The following SPATS2L variants were observed in gnomAD, a reference collection of about 807,000 sequenced individuals.
SPATS2L encodes SPATS2-like protein.
Under a neutral mutation model 59.6 loss-of-function variants are expected in SPATS2L, and 30 were observed. That is an observed-to-expected ratio of 0.50 (90% CI 0.38 to 0.68). The LOEUF (loss-of-function observed/expected upper bound fraction) is 0.68. Among genes scored for constraint, SPATS2L ranks in the 30% least tolerant of loss-of-function variants. The pLI is 0.00. For synonymous variants in SPATS2L, 252 were observed against 263.5 expected, an observed-to-expected ratio of 0.96 and a Z score of 0.42; for missense variants, 615 against 700.0, an observed-to-expected ratio of 0.88 and a Z score of 1.37.
At chr2:200,355,423 C>T (rs756504441) in intron 2 of SPATS2L, among the ~76,000 whole-genome samples, 50 of 152,182 alleles carry the variant, frequency 3.3e-4, no homozygotes, top group Non-Finnish European at 5.4e-4. Flanking sequence ...GTCTGTGAGA[C>T]AGATAAGGAG....
chr2:200,370,954 G>A (rs1340141831), intron 2 of SPATS2L, among the ~76,000 whole-genome samples: 1 of 152,162 alleles, frequency 6.6e-6, no homozygotes, highest in African/African-American at 2.4e-5. Flanking sequence ...ATTAATTTGA[G>A]CCAAATGTAA....
chr2:200,327,170 G>C (rs1444252591), intron 1 of SPATS2L, among the ~76,000 whole-genome samples: 1 of 151,810 alleles, frequency 6.6e-6, no homozygotes, highest in Non-Finnish European at 1.5e-5. Context: ...TTGGGAGGCC[G>C]AGGAGGGCAG....
intron 2 of SPATS2L, among the ~76,000 whole-genome samples, chr2:200,377,259 A>G: frequency 6.6e-6 from 1 of 152,226 alleles, no homozygotes; most frequent in Non-Finnish European, 1.5e-5. Context: ...GCTGGGATTC[A>G]ATCTTGGTGA....
upstream of SPATS2L, chr2:200,306,137 CT>C (rs1274115299): frequency 6.1e-6 from 6 of 991,596 alleles, no homozygotes; most frequent in South Asian, 4.7e-5. Flanking sequence ...AGCTCCAGCA[CT>C]TTTTCCGCGC....
chr2:200,390,319 T>A (rs1160057425), intron 3 of SPATS2L: 1 of 152,192 alleles, frequency 6.6e-6, no homozygotes, highest in Non-Finnish European at 1.5e-5. Flanking sequence ...AAGTTCCTGC[T>A]CCCATGGAGC....
intron 2 of SPATS2L, among the ~76,000 whole-genome samples, chr2:200,382,131 C>T (rs576613693): frequency 6.6e-6 from 1 of 152,264 alleles, no homozygotes; most frequent in African/African-American, 2.4e-5. Context: ...TCTTAGCTCA[C>T]TGCAACTTCC....
chr2:200,458,554 A>G (rs946261920), intron 8 of SPATS2L, among the ~76,000 whole-genome samples: 3 of 152,378 alleles, frequency 2.0e-5, no homozygotes, highest in Admixed American at 6.5e-5. Flanking sequence ...AGATGTAATC[A>G]GCAAAATTCA....
intron 4 of SPATS2L, among the ~76,000 whole-genome samples, chr2:200,415,239 G>C (rs1213245427): frequency 7.2e-5 from 11 of 152,152 alleles, no homozygotes; most frequent in Non-Finnish European, 1.6e-4. Context: ...CGTTGAGTTG[G>C]AAACTTTAAA....
chr2:200,475,534 CCT>C (rs1340427627), intron 12 of SPATS2L, among the ~76,000 whole-genome samples: 1 of 152,190 alleles, frequency 6.6e-6, no homozygotes, highest in Non-Finnish European at 1.5e-5. Flanking sequence ...TTCTGATTAG[CCT>C]CTCCAAATGA....
intron 9 of SPATS2L, among the ~76,000 whole-genome samples, chr2:200,460,382 T>C (rs1350230599): frequency 6.6e-6 from 1 of 152,210 alleles, no homozygotes; most frequent in African/African-American, 2.4e-5. Context: ...GCACTTCAGA[T>C]GTCAGACAAG....
intron 3 of SPATS2L, among the ~76,000 whole-genome samples, chr2:200,395,969 C>A (rs1353267552): frequency 1.6e-5 from 2 of 128,004 alleles, no homozygotes; most frequent in African/African-American, 6.0e-5. Flanking sequence ...GGAGAGCATG[C>A]TACTTCACTC....
At chr2:200,338,066 T>C (rs988324548) in intron 2 of SPATS2L, among the ~76,000 whole-genome samples, 2 of 152,184 alleles carry the variant, frequency 1.3e-5, no homozygotes, top group African/African-American at 4.8e-5. Context: ...ACTCTGTTGC[T>C]CAGGCTGGAG....
intron 2 of SPATS2L, among the ~76,000 whole-genome samples, chr2:200,333,653 TC>T (rs917486102): frequency 1.3e-5 from 2 of 151,254 alleles, no homozygotes; most frequent in Non-Finnish European, 2.9e-5. Flanking sequence ...CCCTCCCCGC[TC>T]CCCCCACCCC....
rs116465390 is a variant in SPATS2L at position 200,329,514 on chromosome 2, T to G, written c.-23+34T>G. The G allele has an allele frequency of 4.8e-4, 742 of 1,534,626 alleles. 6 individuals carry two copies. In the African/African-American group the frequency reaches 9.4e-3, roughly 19 times the overall value. ...AGATGGTCCTTCCCTCTCTGTGACC[T>G]CCTCCTGCTGCCATGGCCAGCTGTC... On this transcript the variant is annotated intron_variant, in intron 2 of 12. Transcript: ENST00000409140.
rs192312924 is a variant in SPATS2L at position 200,422,940 on chromosome 2, A to G, written c.445+3444A>G. 1.5e-3 allele frequency among the ~76,000 whole-genome samples: 234 copies of G among 152,318 alleles called. 2 individuals carry two copies. Among genetic ancestry groups the G allele is most frequent in the Admixed American group, 0.014 (211 of 15,296 alleles). The stretch of plus-strand genomic sequence containing the variant: ...TAAACATCCTTACTGTGATGATGTG[A>G]GATGATAAAATGCCTGCATGATGAG... On this transcript the variant is annotated intron_variant, in intron 6 of 12. Coordinates refer to ENST00000409140, the MANE Select transcript of SPATS2L (RefSeq NM_001100423.2).
intron 6 of SPATS2L, among the ~76,000 whole-genome samples, chr2:200,423,898 G>A (rs2106026179): frequency 6.6e-6 from 1 of 152,200 alleles, no homozygotes. Flanking sequence ...TTTTGGTAGG[G>A]GAAAAGTTAG....
At chr2:200,423,134 A>C (rs1428319757) in intron 6 of SPATS2L, among the ~76,000 whole-genome samples, 2 of 152,116 alleles carry the variant, frequency 1.3e-5, no homozygotes, top group African/African-American at 4.8e-5. Flanking sequence ...GAAACTGAAA[A>C]CTTAATGAGT....
At position 200,306,769 on chromosome 2, in the gene SPATS2L, C is replaced by G; in HGVS notation, c.-226C>G. 1.0e-6 allele frequency: 1 copy of G among 982,270 alleles called. No individual in the cohort carries two copies. The highest frequency in any genetic ancestry group is 1.8e-5 in the African/African-American group (1 of 57,034). The allele number at this position is 982,270 out of a possible 1,614,324, so 60.8% of individuals were successfully genotyped here. A position where few individuals can be genotyped will look rare whatever the true frequency, so the allele number is the denominator to read the frequency against. On this transcript the variant is annotated 5_prime_UTR_variant, in exon 1 of 13. Transcript: ENST00000409140. ...CGCTGCAAGCGCCGGCAGCGCGGGG[C>G]GAGCTCCGGACGGCGCGCGGCCCAG...
At chr2:200,385,127 G>C (rs543355637) in intron 2 of SPATS2L, among the ~76,000 whole-genome samples, 2 of 152,252 alleles carry the variant, frequency 1.3e-5, no homozygotes, top group Admixed American at 1.3e-4. Context: ...ACATATTAAG[G>C]TATGAGTATT....
Sources: allele counts gnomAD v4.1 joint callset (sites outside exome capture counted in the v4.1 genomes callset), GRCh38; gene constraint gnomAD v4.1.1; transcripts MANE v1.5; gene names NCBI Gene and HGNC (gene_info 2026-07-23, HGNC 2026-07-21).